MCHR2: variants seen among roughly 807,000 people sequenced by gnomAD.
MCHR2 encodes the protein melanin-concentrating hormone receptor 2.
A neutral mutation model predicts 24.8 loss-of-function variants in MCHR2; 15 were observed. The observed-to-expected ratio is 0.60, with a 90% CI of 0.40 to 0.93. The LOEUF (loss-of-function observed/expected upper bound fraction) is 0.93, where lower values mean the gene tolerates loss of function less well. Ranked by LOEUF, MCHR2 falls within the 40% of genes least tolerant of loss-of-function variation. The pLI, the probability that MCHR2 is intolerant of heterozygous loss-of-function variation, is 0.00. For synonymous variants in MCHR2, 151 were observed against 147.6 expected, an observed-to-expected ratio of 1.02 and a Z score of -0.17; for missense variants, 386 against 408.7, an observed-to-expected ratio of 0.94 and a Z score of 0.48.
At chr6:99,931,994 G>T (rs543586953) in intron 5 of MCHR2, among the ~76,000 whole-genome samples, 1 of 152,074 alleles carries the variant, frequency 6.6e-6, no homozygotes, top group African/African-American at 2.4e-5. Context: ...CTCCCTCCAT[G>T]TCCTTTTATT....
chr6:99,963,194 A>G (rs1775231001), intron 1 of MCHR2, among the ~76,000 whole-genome samples: 1 of 152,136 alleles, frequency 6.6e-6, no homozygotes, highest in African/African-American at 2.4e-5. Flanking sequence ...TTTGGTAGGA[A>G]TGTAAAATAG....
Position 99,939,969 on chromosome 6 carries a change from C to T in MCHR2, c.587+2980G>A, listed in dbSNP as rs559885600. Among the ~76,000 whole-genome samples, 4 of 149,910 alleles carry T rather than the reference C, an allele frequency of 2.7e-5. No individual in the cohort carries two copies. The East Asian group carries it at 7.9e-4, about 30-fold the overall frequency. ...AAGTCCATTTCCAGATGAATTAGAG[C>T]TCCTTTATACGTTATTTGCTTCTTT... On this transcript the variant is annotated intron_variant, in intron 4 of 5. Transcript: ENST00000281806.
chr6:99,941,457 CT>C (rs1354729202), intron 4 of MCHR2, among the ~76,000 whole-genome samples: 4 of 152,044 alleles, frequency 2.6e-5, no homozygotes, highest in Admixed American at 2.6e-4. Flanking sequence ...CTATGTTGCA[CT>C]GTTATGTCCC....
intron 1 of MCHR2, among the ~76,000 whole-genome samples, chr6:99,978,619 C>T (rs545832286): frequency 2.0e-5 from 3 of 152,044 alleles, no homozygotes; most frequent in Non-Finnish European, 2.9e-5. Flanking sequence ...GGGGTTTCAC[C>T]GTGTTAGCCA....
chr6:99,923,117 A>C (rs927756737), intron 5 of MCHR2, among the ~76,000 whole-genome samples: 1 of 151,860 alleles, frequency 6.6e-6, no homozygotes, highest in Non-Finnish European at 1.5e-5. Flanking sequence ...TTCTTTGTTA[A>C]GTTTTTAGGT....
rs141162564 is a variant in MCHR2 at position 99,932,679 on chromosome 6, TG to T, written c.707+1718del. The stretch of plus-strand genomic sequence containing the variant: ...GATACAATATCAGGCGAACTCGTAT[TG>T]GGAATGTTCTACAGGATACCTGGCC... On this transcript the variant is annotated intron_variant, in intron 5 of 5. Transcript: ENST00000281806. Among the ~76,000 whole-genome samples, 913 of 152,226 alleles carry T rather than the reference TG, an allele frequency of 6.0e-3. 10 individuals are homozygous for T. Among genetic ancestry groups the T allele is most frequent in the African/African-American group, 0.021 (874 of 41,540 alleles).
intron 2 of MCHR2, among the ~76,000 whole-genome samples, chr6:99,951,866 G>A (rs181764057): frequency 4.6e-5 from 7 of 152,152 alleles, no homozygotes; most frequent in Admixed American, 3.3e-4. Flanking sequence ...TCTGTTTCAC[G>A]AATTCATGAC....
At chr6:99,984,237 TA>T (rs1276560900) in intron 1 of MCHR2, among the ~76,000 whole-genome samples, 2 of 67,248 alleles carry the variant, frequency 3.0e-5, no homozygotes, top group African/African-American at 9.3e-5. Context: ...TTTTGTTTTT[TA>T]TTTTTTTATT....
At chr6:99,984,041 A>C (rs1775722129) in intron 1 of MCHR2, among the ~76,000 whole-genome samples, 1 of 152,124 alleles carries the variant, frequency 6.6e-6, no homozygotes, top group Non-Finnish European at 1.5e-5. Flanking sequence ...AGTTTCAAAA[A>C]ACTCTATACA....
intron 5 of MCHR2, among the ~76,000 whole-genome samples, chr6:99,933,635 T>C (rs953244964): frequency 2.8e-5 from 2 of 70,960 alleles, no homozygotes; most frequent in African/African-American, 8.1e-5. Flanking sequence ...GTTGCTCACA[T>C]TTTTTTAAAC....
intron 1 of MCHR2, among the ~76,000 whole-genome samples, chr6:99,974,020 A>T (rs1448349996): frequency 6.6e-6 from 1 of 152,150 alleles, no homozygotes; most frequent in African/African-American, 2.4e-5. Flanking sequence ...ACTTTGGTGA[A>T]TCTGACAATT....
At chr6:99,974,592 G>A (rs573956598) in intron 1 of MCHR2, among the ~76,000 whole-genome samples, 25 of 152,288 alleles carry the variant, frequency 1.6e-4, no homozygotes, top group East Asian at 9.6e-4. Context: ...GCTTTGTTCC[G>A]TTGCTGGTAA....
chr6:99,985,202 C>A (rs1366328573), intron 1 of MCHR2, among the ~76,000 whole-genome samples: 2 of 152,032 alleles, frequency 1.3e-5, no homozygotes, highest in African/African-American at 4.8e-5. Flanking sequence ...GGAAAAGCAT[C>A]CTATGCTCAT....
chr6:99,991,859 T>C (rs1450742545), intron 1 of MCHR2, among the ~76,000 whole-genome samples: 1 of 151,464 alleles, frequency 6.6e-6, no homozygotes, highest in Non-Finnish European at 1.5e-5. Context: ...ATGCGAACAT[T>C]GCCTAAAACA....
intron 5 of MCHR2, 88 bp downstream of exon 5, chr6:99,934,310 T>A: frequency 7.5e-7 from 1 of 1,326,230 alleles, no homozygotes. Context: ...GTGGTATGTT[T>A]CAAGTCACTG....
chr6:99,958,109 C>T (rs1380004935), intron 1 of MCHR2, among the ~76,000 whole-genome samples: 1 of 151,980 alleles, frequency 6.6e-6, no homozygotes, highest in Non-Finnish European at 1.5e-5. Context: ...CAGTAATCTA[C>T]ACAGTGTGAT....
chr6:99,930,934 A>G (rs1474671809), intron 5 of MCHR2, among the ~76,000 whole-genome samples: 1 of 152,032 alleles, frequency 6.6e-6, no homozygotes, highest in Non-Finnish European at 1.5e-5. Context: ...TAGAGTTTCC[A>G]GTTTTTCTGC....
intron 5 of MCHR2, among the ~76,000 whole-genome samples, chr6:99,925,982 C>G (rs1774347026): frequency 6.6e-6 from 1 of 151,948 alleles, no homozygotes; most frequent in African/African-American, 2.4e-5. Flanking sequence ...TATCCCTTCC[C>G]CCTGCCCCCA....
chr6:99,935,224 T>C (rs1774632018), intron 4 of MCHR2, among the ~76,000 whole-genome samples: 2 of 152,078 alleles, frequency 1.3e-5, no homozygotes, highest in Admixed American at 6.6e-5. Flanking sequence ...AACATTCAAA[T>C]TATTCTCTTC....
Sources: gnomAD v4.1 joint callset for allele counts (sites outside exome capture counted in the v4.1 genomes callset) on GRCh38, gnomAD v4.1.1 for gene constraint, MANE v1.5 for transcripts, NCBI Gene and HGNC (gene_info 2026-07-23, HGNC 2026-07-21) for gene names.